Variants in ANKDD1A observed in about 807,000 individuals in gnomAD.
ANKDD1A encodes the protein ankyrin repeat and death domain-containing protein 1A.
A neutral mutation model predicts 63.5 loss-of-function variants in ANKDD1A; 59 were observed. The ratio of observed to expected loss-of-function variants is 0.93; its 90% CI spans 0.75 to 1.15. The LOEUF (loss-of-function observed/expected upper bound fraction) is 1.15, where lower values mean the gene tolerates loss of function less well. Ranked by LOEUF, ANKDD1A falls within the 50% of genes most tolerant of loss-of-function variation. The probability of loss-of-function intolerance (pLI) is 0.00; values close to 1 mark genes in which losing one functional copy is unlikely to be tolerated. For synonymous variants in ANKDD1A, 266 were observed against 263.9 expected, an observed-to-expected ratio of 1.01 and a Z score of -0.08; for missense variants, 632 against 656.4, an observed-to-expected ratio of 0.96 and a Z score of 0.41.
chr15:64,911,996 G>T, intron 1 of ANKDD1A, 32 bp downstream of exon 1: 4 of 320,740 alleles, frequency 1.2e-5, no homozygotes, highest in Non-Finnish European at 2.1e-5. Flanking sequence ...AGGGGGGCGG[G>T]CCGAGGCCGA....
intron 3 of ANKDD1A, among the ~76,000 whole-genome samples, chr15:64,921,619 C>T (rs907064869): frequency 5.9e-5 from 9 of 152,214 alleles, no homozygotes; most frequent in African/African-American, 2.2e-4. Flanking sequence ...ATGTGATCCT[C>T]CTGCCTCAGC....
At chr15:64,944,613 G>A (rs773661763) in intron 11 of ANKDD1A, 39 bp from the exon 12 acceptor site, 49 of 1,594,648 alleles carry the variant, frequency 3.1e-5, no homozygotes, top group Non-Finnish European at 3.9e-5. Flanking sequence ...TACCCCTCCT[G>A]TAGAAACTCT....
chr15:64,912,615 G>A (rs2084940025), intron 1 of ANKDD1A, among the ~76,000 whole-genome samples: 1 of 152,276 alleles, frequency 6.6e-6, no homozygotes, highest in Non-Finnish European at 1.5e-5. Flanking sequence ...CTGGCCTGGG[G>A]CAGCTTTGGC....
chr15:64,940,144 TAAAA>T (rs60623769), intron 9 of ANKDD1A, among the ~76,000 whole-genome samples: 2 of 145,106 alleles, frequency 1.4e-5, no homozygotes, highest in African/African-American at 5.1e-5. Context: ...AACTCAACAG[TAAAA>T]AAAAAAAAAT....
intron 14 of ANKDD1A, among the ~76,000 whole-genome samples, chr15:64,952,947 TTC>T (rs1219514512): frequency 1.8e-4 from 6 of 33,272 alleles, no homozygotes; most frequent in Non-Finnish European, 5.3e-4. Context: ...CTCTTCTTCC[TTC>T]TCTTTCTTCC....
At chr15:64,920,830 A>C (rs2085002438) in intron 3 of ANKDD1A, among the ~76,000 whole-genome samples, 1 of 151,934 alleles carries the variant, frequency 6.6e-6, no homozygotes, top group South Asian at 2.1e-4. Context: ...GATTACAGGC[A>C]TGAGCCACCA....
chr15:64,945,421 CTG>C (rs1030057640), intron 12 of ANKDD1A, among the ~76,000 whole-genome samples: 1 of 151,606 alleles, frequency 6.6e-6, no homozygotes, highest in Non-Finnish European at 1.5e-5. Flanking sequence ...TACAGCCATG[CTG>C]TTTTTCACTT....
chr15:64,931,040 TGA>T (rs2085086666), intron 7 of ANKDD1A, 120 bp downstream of exon 7: 2 of 1,019,288 alleles, frequency 2.0e-6, no homozygotes, highest in Admixed American at 5.0e-5. Context: ...GATCTCGAAC[TGA>T]GAGCCCACCA....
At position 64,917,621 on chromosome 15, in the gene ANKDD1A, G is replaced by A. The variant is rs1412907528; in HGVS notation, c.267+107G>A. On this transcript the variant is annotated intron_variant, in intron 3 of 14. Coordinates refer to ENST00000319580, the MANE Select transcript of ANKDD1A (RefSeq NM_182703.6). ...TTGCTGCTAATATGCAGACATTCAG[G>A]TGCAGAGTGGTGGGGAGTCAGAGGC... The A allele has an allele frequency of 5.5e-6, 8 of 1,452,498 alleles. No individual in the cohort carries two copies. The African/African-American group carries it at 7.0e-5, about 13-fold the overall frequency. 90.0% of individuals were successfully genotyped at this position (1,452,498 alleles called of 1,614,324 possible). A position where few individuals can be genotyped will look rare whatever the true frequency, so the allele number is the denominator to read the frequency against.
chr15:64,952,230 T>C (rs1430962013), intron 14 of ANKDD1A, among the ~76,000 whole-genome samples: 1 of 148,812 alleles, frequency 6.7e-6, no homozygotes, highest in Non-Finnish European at 1.5e-5. Flanking sequence ...TTCCTTCTCC[T>C]CCTTTCTTCT....
intron 3 of ANKDD1A, among the ~76,000 whole-genome samples, 192 bp from the exon 4 acceptor site, chr15:64,921,729 C>A (rs2085007857): frequency 6.6e-6 from 1 of 151,408 alleles, no homozygotes; most frequent in East Asian, 1.9e-4. Flanking sequence ...TAAAAGTTTG[C>A]AATAGTACAT....
Position 64,954,055 on chromosome 15 carries a change from CCTTCTTCTTTCTT to C in ANKDD1A, c.1484-3043_1484-3031del. ...TTTCTTCTTCCTCTTCTTCTTTTCT[CCTTCTTCTTTCTT>C]CTTCCTCTTTTCTTCTTCTTTCTCC... On this transcript the variant is annotated intron_variant, in intron 14 of 14. Coordinates refer to ENST00000319580, the MANE Select transcript of ANKDD1A (RefSeq NM_182703.6). 2.2e-5 allele frequency among the ~76,000 whole-genome samples: 3 copies of C among 135,520 alleles called. 1 individual carries two copies. The South Asian group carries it at 7.0e-4, about 32-fold the overall frequency. 88.9% of individuals were successfully genotyped at this position (135,520 alleles called of 152,430 possible).
At chr15:64,939,803 AAATG>A (rs1160413504) in intron 9 of ANKDD1A, among the ~76,000 whole-genome samples, 3 of 152,202 alleles carry the variant, frequency 2.0e-5, no homozygotes, top group Non-Finnish European at 1.5e-5. Flanking sequence ...ACAGGCAAAA[AAATG>A]AGCCTCAACT....
Position 64,921,974 on chromosome 15 carries a change from C to A in ANKDD1A, c.321C>A (p.Leu107=), listed in dbSNP as rs780682731. 1 of 1,614,196 alleles carries A rather than the reference C, an allele frequency of 6.2e-7. No individual in the cohort carries two copies. Among genetic ancestry groups the A allele is most frequent in the Non-Finnish European group, 8.5e-7 (1 of 1,180,038 alleles). ...LSAWFGHLRI[L]QILVNSGAKI... ...CCTGGTTCGGCCACTTACGAATCCT[C>A]CAGATCTTGGTAAACTCAGGGGCCA... Residue 107 remains leucine, a synonymous_variant, in exon 4 of 15, where the codon CTC becomes CTA. Coordinates refer to ENST00000319580, the MANE Select transcript of ANKDD1A (RefSeq NM_182703.6).
intron 9 of ANKDD1A, among the ~76,000 whole-genome samples, chr15:64,937,077 C>G (rs114966283): frequency 0.011 from 1,674 of 151,898 alleles, 31 homozygotes; most frequent in African/African-American, 0.038. Context: ...GAAATAGGCA[C>G]CTTCATATGT....
rs183197369 is a variant in ANKDD1A, at chr15:64,946,523, C to T, written c.1162-881C>T. ...AGCCGATTCATCTCTGTGCTGAGTA[C>T]TAAGCCACTTCAGGCTTTACAGGTC... On this transcript the variant is annotated intron_variant, in intron 12 of 14. Coordinates refer to ENST00000319580, the MANE Select transcript of ANKDD1A (RefSeq NM_182703.6). Among the ~76,000 whole-genome samples the T allele has an allele frequency of 1.2e-4, 18 of 152,326 alleles. No homozygotes were observed. In the East Asian group the frequency reaches 3.5e-3, roughly 29 times the overall value.
chr15:64,935,649 T>C (rs1284491323), intron 9 of ANKDD1A, among the ~76,000 whole-genome samples: 2 of 151,728 alleles, frequency 1.3e-5, no homozygotes, highest in Non-Finnish European at 2.9e-5. Flanking sequence ...CACTCCAGCC[T>C]GGGCGACAGA....
At position 64,958,501 on chromosome 15, in the gene ANKDD1A, AC is replaced by A. The variant is rs1365201584; in HGVS notation, c.*1314del. 3 of 152,128 alleles carry A rather than the reference AC, an allele frequency of 2.0e-5. No homozygotes were observed. Among genetic ancestry groups the A allele is most frequent in the South Asian group, 2.1e-4 (1 of 4,826 alleles). 9.4% of individuals were successfully genotyped at this position (152,128 alleles called of 1,614,324 possible). A position where few individuals can be genotyped will look rare whatever the true frequency, so the allele number is the denominator to read the frequency against. On this transcript the variant is annotated 3_prime_UTR_variant, in exon 15 of 15. Coordinates refer to ENST00000319580, the MANE Select transcript of ANKDD1A (RefSeq NM_182703.6). Reference sequence around the variant, plus strand: ...TAAAATAGAAAGTCTGTGAAAAAAAACAAAAGTAAAGTTATAAAAGGAAAAG... The same window carrying A: ...TAAAATAGAAAGTCTGTGAAAAAAAAAAAAGTAAAGTTATAAAAGGAAAAG...
At chr15:64,943,882 T>C (rs1333923437) in intron 11 of ANKDD1A, 1 of 406,620 alleles carries the variant, frequency 2.5e-6, no homozygotes, top group African/African-American at 2.0e-5. Flanking sequence ...CTGGTAGGGT[T>C]GGGAAGTAGA....
Sources: allele counts gnomAD v4.1 joint callset (sites outside exome capture counted in the v4.1 genomes callset), GRCh38; gene constraint gnomAD v4.1.1; transcripts MANE v1.5; gene names NCBI Gene and HGNC (gene_info 2026-07-23, HGNC 2026-07-21).